The following NCBP3 variants were observed in gnomAD, a reference collection of about 807,000 sequenced individuals.
The protein encoded by NCBP3 is nuclear cap binding subunit 3, also known as nuclear cap-binding protein subunit 3.
NCBP3 carries 20 observed loss-of-function variants against 75.7 expected under a neutral mutation model. The observed-to-expected ratio is 0.26, with a 90% CI of 0.19 to 0.38. NCBP3 has a LOEUF of 0.38. NCBP3 is among the 10% of genes least tolerant of loss of function. The pLI, the probability that NCBP3 is intolerant of heterozygous loss-of-function variation, is 1.00. For synonymous variants in NCBP3, 293 were observed against 290.5 expected (o/e 1.01, Z -0.09); for missense variants, 678 against 796.9 (o/e 0.85, Z 1.80).
chr17:3,832,808 G>T (rs1220932385), intron 3 of NCBP3, among the ~76,000 whole-genome samples: 1 of 151,950 alleles, frequency 6.6e-6, no homozygotes, highest in South Asian at 2.1e-4. Flanking sequence ...ACAAAAAAAT[G>T]CATTTAATAA....
In NCBP3 at chr17:3,803,842, G is replaced by T. The variant is rs773347464; in HGVS notation, c.*9202C>A. On this transcript the variant is annotated 3_prime_UTR_variant, in exon 13 of 13. Coordinates refer to ENST00000389005, the MANE Select transcript of NCBP3 (RefSeq NM_001114118.3). ...TGTAATCCCAGCACTTTGGGAGGCC[G>T]AGGCGGGCGGATCACAAAGTCAGGA... 2 of 152,226 alleles carry T rather than the reference G, an allele frequency of 1.3e-5. No homozygotes were observed. The highest frequency in any genetic ancestry group is 4.8e-5 in the African/African-American group (2 of 41,452). 9.4% of individuals were successfully genotyped at this position (152,226 alleles called of 1,614,324 possible). A position where few individuals can be genotyped will look rare whatever the true frequency, so the allele number is the denominator to read the frequency against.
intron 3 of NCBP3, among the ~76,000 whole-genome samples, chr17:3,836,648 G>A (rs1237457512): frequency 4.8e-5 from 5 of 104,596 alleles, no homozygotes; most frequent in South Asian, 6.3e-4. Flanking sequence ...GTGAGACTCC[G>A]TCTCTCAAAA....
At chr17:3,816,067 G>C (rs2053524864) in intron 11 of NCBP3, 49 bp downstream of exon 11, 1 of 1,575,082 alleles carries the variant, frequency 6.3e-7, no homozygotes, top group South Asian at 1.2e-5. Context: ...GCCCCAGTCT[G>C]CTTTCCGGAG....
In NCBP3 at chr17:3,830,380, T is replaced by C. The variant is rs182794189; in HGVS notation, c.356-1012A>G. On this transcript the variant is annotated intron_variant, in intron 3 of 12. Transcript: ENST00000389005. ...TATATACCACAGAAAGATTCTAAGA[T>C]GTATCACAGAGTGAAAAAACAAGTT... is the stretch of plus-strand genomic sequence containing the variant. 2.0e-5 allele frequency among the ~76,000 whole-genome samples: 3 copies of C among 152,300 alleles called. No individual in the cohort carries two copies. In the East Asian group the frequency reaches 5.8e-4, roughly 29 times the overall value.
intron 1 of NCBP3, 108 bp from the exon 2 acceptor site, chr17:3,843,259 T>TG (rs1555534858): frequency 4.6e-6 from 4 of 869,782 alleles, no homozygotes; most frequent in African/African-American, 3.5e-5. Flanking sequence ...TTTTTTTTTT[T>TG]GTTGGTGACA....
rs1442549694 is a variant in NCBP3, at chr17:3,804,829, G to C, written c.*8215C>G. 1 of 152,236 alleles carries C rather than the reference G, an allele frequency of 6.6e-6. No individual in the cohort carries two copies. The highest frequency in any genetic ancestry group is 2.4e-5 in the African/African-American group (1 of 41,438). The allele number at this position is 152,236 out of a possible 1,614,324, so 9.4% of individuals were successfully genotyped here. ...CCTACAAGGTCAACCCGATTTCTCA[G>C]ATAAGGATGCTGCCTCTGAGAGGCC... On this transcript the variant is annotated 3_prime_UTR_variant, in exon 13 of 13. Transcript: ENST00000389005.
intron 9 of NCBP3, among the ~76,000 whole-genome samples, chr17:3,819,736 G>A (rs903680613): frequency 5.3e-5 from 8 of 152,162 alleles, no homozygotes; most frequent in Non-Finnish European, 7.4e-5. Flanking sequence ...ATAAACGAAA[G>A]AAGTAGAATA....
chr17:3,826,130 G>C lies in NCBP3; in HGVS notation c.567C>G (p.Ser189Arg). Residue 189 changes from serine to arginine, a missense_variant, in exon 5 of 13, where the codon AGC becomes AGG. By Grantham distance (110) the Ser-to-Arg change is moderately radical. Coordinates refer to ENST00000389005, the MANE Select transcript of NCBP3 (RefSeq NM_001114118.3). The stretch of plus-strand genomic sequence containing the variant: ...CTGACTTGTCCTCACTGGCATCCCT[G>C]CTTCTGATCTTATCCTGTGCAGGCA... ...SSLPAQDKIR[S>R]RDASEDKSAE... 6.4e-7 allele frequency: 1 copy of C among 1,551,546 alleles called. No homozygotes were observed. Among genetic ancestry groups the C allele is most frequent in the East Asian group, 2.4e-5 (1 of 40,906 alleles).
chr17:3,827,210 G>A (rs1218595315), intron 4 of NCBP3, among the ~76,000 whole-genome samples: 1 of 152,144 alleles, frequency 6.6e-6, no homozygotes, highest in Non-Finnish European at 1.5e-5. Flanking sequence ...AATAACTTAA[G>A]TATTCCATGA....
chr17:3,845,508 G>C (rs1033578604), intron 1 of NCBP3, among the ~76,000 whole-genome samples: 1 of 152,230 alleles, frequency 6.6e-6, no homozygotes, highest in South Asian at 2.1e-4. Context: ...GAGCTGCGGG[G>C]GGGGCAAGAT....
chr17:3,816,858 C>G (rs2053542902), intron 10 of NCBP3, among the ~76,000 whole-genome samples: 1 of 152,044 alleles, frequency 6.6e-6, no homozygotes, highest in Non-Finnish European at 1.5e-5. Flanking sequence ...ATGGTGAAAC[C>G]CAGTCTCTAC....
chr17:3,843,635 C>G (rs1306861055), intron 1 of NCBP3, among the ~76,000 whole-genome samples: 6 of 152,248 alleles, frequency 3.9e-5, no homozygotes, highest in African/African-American at 1.2e-4. Context: ...CAACCTCTAC[C>G]TCCTGGGTTC....
rs2053395983 is a variant in NCBP3 at position 3,810,700 on chromosome 17, T to C, written c.*2344A>G. The C allele has an allele frequency of 6.6e-6, 1 of 152,136 alleles. No homozygotes were observed. The highest frequency in any genetic ancestry group is 2.1e-4 in the South Asian group (1 of 4,822). 9.4% of individuals were successfully genotyped at this position (152,136 alleles called of 1,614,324 possible). A position where few individuals can be genotyped will look rare whatever the true frequency, so the allele number is the denominator to read the frequency against. On this transcript the variant is annotated 3_prime_UTR_variant, in exon 13 of 13. Coordinates refer to ENST00000389005, the MANE Select transcript of NCBP3 (RefSeq NM_001114118.3). ...GGCCAGTAACTCCGAGAAGTAAAAA[T>C]CTTTAAAGCTGCCTTTCTGGGTTCT...
At chr17:3,841,985 A>C (rs1467901837) in intron 2 of NCBP3, among the ~76,000 whole-genome samples, 1 of 152,216 alleles carries the variant, frequency 6.6e-6, no homozygotes, top group Admixed American at 6.5e-5. Context: ...ATCAGAAAAA[A>C]TGTCTAAAAC....
At chr17:3,840,293 TG>T in intron 2 of NCBP3, 88 bp from the exon 3 acceptor site, 1 of 1,064,822 alleles carries the variant, frequency 9.4e-7, no homozygotes, top group Non-Finnish European at 1.4e-6. Flanking sequence ...GTGACAAACC[TG>T]AACTAAAAAA....
At position 3,806,375 on chromosome 17, in the gene NCBP3, G is replaced by A. The variant is rs61686813; in HGVS notation, c.*6669C>T. ...ATTACAGGCGTGAGCCACCAAGCCC[G>A]GCCTGAGAATTCTCTTCTGTCAATG... is the stretch of plus-strand genomic sequence containing the variant. On this transcript the variant is annotated 3_prime_UTR_variant, in exon 13 of 13. Transcript: ENST00000389005. The A allele has an allele frequency of 0.045, 6,928 of 152,418 alleles. 532 individuals are homozygous for A. The highest frequency in any genetic ancestry group is 0.16 in the African/African-American group (6,608 of 41,524). The allele number at this position is 152,418 out of a possible 1,614,324, so 9.4% of individuals were successfully genotyped here.
rs2054036330 is a variant in NCBP3 at position 3,839,982 on chromosome 17, A to G, written c.355+118T>C. On this transcript the variant is annotated intron_variant, in intron 3 of 12. Coordinates refer to ENST00000389005, the MANE Select transcript of NCBP3 (RefSeq NM_001114118.3). Reference sequence around the variant, plus strand: ...ATGGAGACTTCACAGGTCCCTTCTCACAAGAGTGCTTGGATAAGGAGTGGA... The same window carrying G: ...ATGGAGACTTCACAGGTCCCTTCTCGCAAGAGTGCTTGGATAAGGAGTGGA... The G allele has an allele frequency of 2.8e-5, 20 of 719,390 alleles. No homozygotes were observed. In the South Asian group the frequency reaches 3.4e-4, roughly 12 times the overall value. 44.6% of individuals were successfully genotyped at this position (719,390 alleles called of 1,614,324 possible). A position where few individuals can be genotyped will look rare whatever the true frequency, so the allele number is the denominator to read the frequency against.
Position 3,813,224 on chromosome 17 carries a change from C to T in NCBP3, c.1683G>A (p.Lys561=). 1 of 1,614,260 alleles carries T rather than the reference C, an allele frequency of 6.2e-7. No individual in the cohort carries two copies. The highest frequency in any genetic ancestry group is 2.2e-5 in the East Asian group (1 of 44,890). Residue 561 remains lysine (K), a synonymous_variant, in exon 13 of 13, where the codon AAG becomes AAA. Coordinates refer to ENST00000389005, the MANE Select transcript of NCBP3 (RefSeq NM_001114118.3). ...CGCCAGGCGCCCTGTGATCCACTTT[C>T]TTCGTATTCTTTTCTTTGGTCTTGG... ...SAPKTKEKNT[K]KVDHRAPGAE... is the part of the protein sequence containing the mutation.
chr17:3,814,218 G>C (rs950549388), intron 12 of NCBP3, 104 bp downstream of exon 12: 1 of 1,133,874 alleles, frequency 8.8e-7, no homozygotes, highest in African/African-American at 1.6e-5. Context: ...TATATTTGGC[G>C]TGGGCTGTTT....
Sources: allele counts gnomAD v4.1 joint callset (sites outside exome capture counted in the v4.1 genomes callset), GRCh38; gene constraint gnomAD v4.1.1; transcripts MANE v1.5; gene names NCBI Gene and HGNC (gene_info 2026-07-23, HGNC 2026-07-21).